The following LRP1B variants were observed in gnomAD, a reference collection of about 807,000 sequenced individuals.
LRP1B encodes the protein LDL receptor related protein 1B.
Under a neutral mutation model 556.6 loss-of-function variants are expected in LRP1B, and 217 were observed. The ratio of observed to expected loss-of-function variants is 0.39; its 90% confidence interval spans 0.35 to 0.44. The LOEUF (loss-of-function observed/expected upper bound fraction) is 0.44. Among genes scored for constraint, LRP1B ranks in the 20% least tolerant of loss-of-function variants. The pLI is 1.00. For synonymous variants in LRP1B, 2,047 were observed against 1,865.8 expected (o/e 1.10, Z -2.50); for missense variants, 5,053 against 5,620.8 (o/e 0.90, Z 3.23).
At chr2:140,590,291 C>T (rs1249600565) in intron 43 of LRP1B, among the ~76,000 whole-genome samples, 2 of 143,814 alleles carry the variant, frequency 1.4e-5, no homozygotes, top group Non-Finnish European at 3.1e-5. Context: ...TCTATATATG[C>T]ATATATAATA....
intron 1 of LRP1B, among the ~76,000 whole-genome samples, chr2:141,946,627 A>G (rs747969576): frequency 2.6e-5 from 4 of 152,190 alleles, no homozygotes; most frequent in South Asian, 2.1e-4. Flanking sequence ...ACTGGTAGAA[A>G]AATGTGGATT....
chr2:140,559,933 T>A (rs1007398867), intron 43 of LRP1B, among the ~76,000 whole-genome samples: 4 of 152,154 alleles, frequency 2.6e-5, no homozygotes, highest in African/African-American at 9.7e-5. Context: ...ATTAGTGGGC[T>A]AAGATACAAT....
chr2:140,411,166 C>T (rs1684955398), intron 66 of LRP1B, among the ~76,000 whole-genome samples: 1 of 152,086 alleles, frequency 6.6e-6, no homozygotes, highest in Non-Finnish European at 1.5e-5. Context: ...TTGATAAAAA[C>T]TATTTTGATA....
At chr2:140,872,082 ATTT>A (rs35149993) in intron 25 of LRP1B, among the ~76,000 whole-genome samples, 113 of 109,566 alleles carry the variant, frequency 1.0e-3, no homozygotes, top group East Asian at 2.9e-3. Flanking sequence ...AGGACCTTGT[ATTT>A]TTTTTTTTTT....
At chr2:140,681,507 C>T (rs1355560071) in intron 41 of LRP1B, among the ~76,000 whole-genome samples, 3 of 152,076 alleles carry the variant, frequency 2.0e-5, no homozygotes, top group Admixed American at 6.6e-5. Flanking sequence ...GCAAGGAATA[C>T]TATTACTTAT....
intron 3 of LRP1B, among the ~76,000 whole-genome samples, chr2:141,320,419 T>G (rs1407233140): frequency 6.6e-6 from 1 of 152,104 alleles, no homozygotes; most frequent in South Asian, 2.1e-4. Context: ...TTTAAATTCC[T>G]CATTCTCAAT....
At chr2:140,869,521 A>T (rs1405263519) in intron 25 of LRP1B, among the ~76,000 whole-genome samples, 1 of 152,136 alleles carries the variant, frequency 6.6e-6, no homozygotes, top group Non-Finnish European at 1.5e-5. Context: ...TGTGGCTATT[A>T]TACAGAGAAT....
intron 1 of LRP1B, among the ~76,000 whole-genome samples, chr2:142,103,365 T>A (rs1383203154): frequency 6.6e-6 from 1 of 151,980 alleles, no homozygotes; most frequent in Non-Finnish European, 1.5e-5. Context: ...TATATACAAG[T>A]CTATCAATTG....
At chr2:141,646,742 G>A (rs1689580743) in intron 2 of LRP1B, among the ~76,000 whole-genome samples, 1 of 152,112 alleles carries the variant, frequency 6.6e-6, no homozygotes, top group African/African-American at 2.4e-5. Flanking sequence ...TAAAATTCTG[G>A]GGAGGCTTCA....
At chr2:140,843,453 G>A (rs1559151885) in intron 29 of LRP1B, among the ~76,000 whole-genome samples, 1 of 152,046 alleles carries the variant, frequency 6.6e-6, no homozygotes, top group Non-Finnish European at 1.5e-5. Context: ...AGAATGTGAT[G>A]TCTAAATTTC....
intron 1 of LRP1B, among the ~76,000 whole-genome samples, chr2:142,111,907 T>C (rs746240176): frequency 1.3e-5 from 2 of 152,118 alleles, no homozygotes; most frequent in Admixed American, 6.6e-5. Flanking sequence ...CCCCATTTTA[T>C]AGATAAGAAA....
chr2:141,636,893 A>C (rs1011901955), intron 2 of LRP1B, among the ~76,000 whole-genome samples: 2 of 152,186 alleles, frequency 1.3e-5, no homozygotes, highest in Non-Finnish European at 2.9e-5. Context: ...CATACTGCAT[A>C]CATATGTATA....
intron 2 of LRP1B, among the ~76,000 whole-genome samples, chr2:141,499,429 G>C (rs200483549): frequency 6.6e-6 from 1 of 152,018 alleles, no homozygotes; most frequent in African/African-American, 2.4e-5. Context: ...GCCCTGTCTG[G>C]TTCTTTTCGC....
rs182942636 is a variant in LRP1B at position 140,415,049 on chromosome 2, C to T, written c.10414+27455G>A. ...CTGCTCTGGGAATGTCTGTCTTATTCGATTGAGATAAGGACTGAGATACAC... is the reference window on the plus strand; with the variant it reads ...CTGCTCTGGGAATGTCTGTCTTATTTGATTGAGATAAGGACTGAGATACAC... On this transcript the variant is annotated intron_variant, in intron 66 of 90. Coordinates refer to ENST00000389484, the MANE Select transcript of LRP1B (RefSeq NM_018557.3). Among the ~76,000 whole-genome samples the T allele has an allele frequency of 1.2e-3, 180 of 152,212 alleles. 1 individual carries two copies. The highest frequency in any genetic ancestry group is 6.2e-3 in the South Asian group (30 of 4,816).
At chr2:140,704,229 A>G (rs1686746884) in intron 37 of LRP1B, among the ~76,000 whole-genome samples, 1 of 152,160 alleles carries the variant, frequency 6.6e-6, no homozygotes, top group Admixed American at 6.6e-5. Context: ...TTAAAGACTT[A>G]TATTTTGTTT....
intron 1 of LRP1B, among the ~76,000 whole-genome samples, chr2:142,006,673 C>T (rs531104767): frequency 4.6e-5 from 7 of 152,170 alleles, no homozygotes; most frequent in African/African-American, 9.7e-5. Flanking sequence ...GTTAAATATA[C>T]AGTTTTTGAA....
At chr2:142,009,017 G>C (rs886777405) in intron 1 of LRP1B, among the ~76,000 whole-genome samples, 1 of 151,916 alleles carries the variant, frequency 6.6e-6, no homozygotes, top group Non-Finnish European at 1.5e-5. Flanking sequence ...AAGAAACATT[G>C]AGCCAAGGAA....
intron 3 of LRP1B, among the ~76,000 whole-genome samples, chr2:141,388,677 G>A (rs1433471733): frequency 6.6e-6 from 1 of 151,912 alleles, no homozygotes; most frequent in Non-Finnish European, 1.5e-5. Context: ...AGCAATAGTA[G>A]GAAATAAAAG....
At chr2:140,376,743 G>A (rs1186291725) in intron 68 of LRP1B, among the ~76,000 whole-genome samples, 1 of 152,186 alleles carries the variant, frequency 6.6e-6, no homozygotes, top group Non-Finnish European at 1.5e-5. Flanking sequence ...GCTGTTGAAT[G>A]TGGTTATTGT....
Sources: gnomAD v4.1 joint callset for allele counts (sites outside exome capture counted in the v4.1 genomes callset) on GRCh38, gnomAD v4.1.1 for gene constraint, MANE v1.5 for transcripts, NCBI Gene and HGNC (gene_info 2026-07-23, HGNC 2026-07-21) for gene names.